HIPK2: variants seen among roughly 807,000 people sequenced by gnomAD.
HIPK2 encodes homeodomain-interacting protein kinase 2.
In HIPK2, 27 loss-of-function variants were observed where a neutral mutation model predicts 113.7. That is an observed-to-expected ratio of 0.24 (90% confidence interval 0.17 to 0.33). HIPK2 has a LOEUF of 0.33. HIPK2 is among the 10% of genes least tolerant of loss of function. The probability of loss-of-function intolerance (pLI) is 1.00; values close to 1 mark genes in which losing one functional copy is unlikely to be tolerated. For synonymous variants in HIPK2, 631 were observed against 642.2 expected (o/e 0.98, Z 0.26); for missense variants, 1,257 against 1,588.0 (o/e 0.79, Z 3.54).
At chr7:139,765,247 T>C (rs1276507812) in intron 1 of HIPK2, among the ~76,000 whole-genome samples, 2 of 152,192 alleles carry the variant, frequency 1.3e-5, no homozygotes, top group African/African-American at 4.8e-5. Flanking sequence ...GGACCTATCC[T>C]AACATCTAGA....
At chr7:139,717,069 A>C in intron 1 of HIPK2, 54 bp from the exon 2 acceptor site, 1 of 1,550,172 alleles carries the variant, frequency 6.5e-7, no homozygotes, top group Non-Finnish European at 8.7e-7. Context: ...GGTACAAGTA[A>C]ACTCAACAGA....
intron 2 of HIPK2, among the ~76,000 whole-genome samples, chr7:139,668,895 T>C (rs1802158172): frequency 1.3e-5 from 2 of 152,254 alleles, no homozygotes. Context: ...AATGCAATTA[T>C]TTACATGATT....
chr7:139,602,444 G>T (rs1173833799), intron 10 of HIPK2, among the ~76,000 whole-genome samples: 2 of 152,136 alleles, frequency 1.3e-5, no homozygotes, highest in Non-Finnish European at 2.9e-5. Context: ...GATGTCTCCT[G>T]TGGTCACTAG....
At chr7:139,676,534 T>A (rs1386233099) in intron 2 of HIPK2, among the ~76,000 whole-genome samples, 1 of 152,234 alleles carries the variant, frequency 6.6e-6, no homozygotes, top group Non-Finnish European at 1.5e-5. Flanking sequence ...ATACTGGGTA[T>A]ACAAAGTGAA....
chr7:139,630,816 C>G lies in HIPK2; in HGVS notation c.1347+349G>C, dbSNP rs753227865. ...TTGACCAGGAACAGGGCCCTTACTA[C>G]AGTGGGCGGGAGCTTGTGGCACATG... is the stretch of plus-strand genomic sequence containing the variant. On this transcript the variant is annotated intron_variant, in intron 4 of 14. Coordinates refer to ENST00000406875, the MANE Select transcript of HIPK2 (RefSeq NM_022740.5). The surrounding 1 kb of genome is among the most constrained non-coding windows in gnomAD (Gnocchi z 4.0). 6.6e-6 allele frequency among the ~76,000 whole-genome samples: 1 copy of G among 152,228 alleles called. No individual in the cohort carries two copies. The highest frequency in any genetic ancestry group is 2.1e-4 in the South Asian group (1 of 4,830).
chr7:139,591,053 C>T (rs755797253), intron 12 of HIPK2, among the ~76,000 whole-genome samples: 1 of 152,122 alleles, frequency 6.6e-6, no homozygotes, highest in Non-Finnish European at 1.5e-5. Flanking sequence ...TGCTATATTG[C>T]CCAGGTTGGT....
chr7:139,598,401 T>TG (rs1469769242), intron 11 of HIPK2, among the ~76,000 whole-genome samples: 3 of 152,236 alleles, frequency 2.0e-5, no homozygotes, highest in African/African-American at 7.2e-5. Context: ...CTGATATGAT[T>TG]GTACCATTGT....
chr7:139,620,792 T>C (rs1464928586), intron 6 of HIPK2, among the ~76,000 whole-genome samples: 1 of 152,190 alleles, frequency 6.6e-6, no homozygotes, highest in Non-Finnish European at 1.5e-5. Context: ...CCTACTACCC[T>C]TTCTCCATAT....
In HIPK2 at chr7:139,575,112, C is replaced by T. The variant is rs1435485509; in HGVS notation, c.3126+16G>A. ...GGGGGCCCTGCCTGGCCTGGGGCGC[C>T]AGCTGTGGGGCTTACCTGGCTGAGA... On this transcript the variant is annotated intron_variant, in intron 14 of 14. Transcript: ENST00000406875. The T allele has an allele frequency of 6.3e-7, 1 of 1,582,576 alleles. No individual in the cohort carries two copies. Among genetic ancestry groups the T allele is most frequent in the African/African-American group, 1.3e-5 (1 of 74,518 alleles).
chr7:139,640,959 T>C (rs1800995285), intron 2 of HIPK2, among the ~76,000 whole-genome samples: 1 of 152,246 alleles, frequency 6.6e-6, no homozygotes, highest in Admixed American at 6.5e-5. Context: ...TGGAACACTC[T>C]GTTGAAATAC....
In HIPK2 at chr7:139,573,138, T is replaced by C. The variant is rs1470539114; in HGVS notation, c.3386A>G (p.His1129Arg). ...TGGGTAGGCAGTGTGCTGCACGGTG[T>C]GGCGCGCAGAGCCTTGCGAGGCCAC... ...HLVASQGSAR[H>R]TVQHTAYPAS... Residue 1129 changes from histidine to arginine, a missense_variant, in exon 15 of 15, where the codon CAC becomes CGC. Transcript: ENST00000406875. 3 of 1,611,256 alleles carry C rather than the reference T, an allele frequency of 1.9e-6. No individual in the cohort carries two copies. Among genetic ancestry groups the C allele is most frequent in the Non-Finnish European group, 8.5e-7 (1 of 1,179,224 alleles).
At chr7:139,737,428 A>C (rs1795969267) in intron 1 of HIPK2, among the ~76,000 whole-genome samples, 2 of 152,228 alleles carry the variant, frequency 1.3e-5, no homozygotes, top group Admixed American at 6.5e-5. Context: ...CATGCCATGA[A>C]ATCCCATTAA....
chr7:139,667,165 A>G (rs1051410892), intron 2 of HIPK2, among the ~76,000 whole-genome samples: 3 of 152,046 alleles, frequency 2.0e-5, no homozygotes, highest in African/African-American at 7.2e-5. Flanking sequence ...AGTATCATAT[A>G]ATTTTGCATT....
intron 1 of HIPK2, among the ~76,000 whole-genome samples, chr7:139,721,521 C>T (rs1795407893): frequency 6.6e-6 from 1 of 152,148 alleles, no homozygotes; most frequent in South Asian, 2.1e-4. Context: ...TTTTTTTCCA[C>T]TTGAAAGTAA....
chr7:139,677,833 A>C (rs1446810321), intron 2 of HIPK2, among the ~76,000 whole-genome samples: 5 of 152,086 alleles, frequency 3.3e-5, no homozygotes. Context: ...TACACTCCCA[A>C]CAACAGTGTG....
chr7:139,720,402 T>C (rs1260657923), intron 1 of HIPK2, among the ~76,000 whole-genome samples: 1 of 152,206 alleles, frequency 6.6e-6, no homozygotes, highest in Non-Finnish European at 1.5e-5. Flanking sequence ...CCCTTCTTGC[T>C]TCAATCCTGA....
At chr7:139,770,059 AAG>A (rs1164861009) in intron 1 of HIPK2, among the ~76,000 whole-genome samples, 1 of 152,216 alleles carries the variant, frequency 6.6e-6, no homozygotes, top group Non-Finnish European at 1.5e-5. Flanking sequence ...TATCCTCCAG[AAG>A]TCCCTGCTAT....
chr7:139,703,492 A>C (rs970032597), intron 2 of HIPK2, among the ~76,000 whole-genome samples: 6 of 152,170 alleles, frequency 3.9e-5, no homozygotes, highest in Non-Finnish European at 7.4e-5. Context: ...TGGCACCAAC[A>C]GTTTGTCCCT....
At position 139,571,772 on chromosome 7, in the gene HIPK2, C is replaced by A. The variant is rs1048201211; in HGVS notation, c.*1155G>T. ...GAGTACCAGTGGAAGTAAACCCTCACGCCGCGTCTGTCGCTCGGTAAGGCA... is the reference window on the plus strand; with the variant it reads ...GAGTACCAGTGGAAGTAAACCCTCAAGCCGCGTCTGTCGCTCGGTAAGGCA... On this transcript the variant is annotated 3_prime_UTR_variant, in exon 15 of 15. Coordinates refer to ENST00000406875, the MANE Select transcript of HIPK2 (RefSeq NM_022740.5). 6.6e-6 allele frequency: 1 copy of A among 152,250 alleles called. No homozygotes were observed. The highest frequency in any genetic ancestry group is 2.4e-5 in the African/African-American group (1 of 41,458). 9.4% of individuals were successfully genotyped at this position (152,250 alleles called of 1,614,324 possible).
Sources: allele counts gnomAD v4.1 joint callset (sites outside exome capture counted in the v4.1 genomes callset), GRCh38; gene constraint gnomAD v4.1.1; non-coding constraint Gnocchi (gnomAD v3.1); transcripts MANE v1.5; gene names NCBI Gene and HGNC (gene_info 2026-07-23, HGNC 2026-07-21).